Variants in TINAG observed in about 807,000 individuals in gnomAD.
TINAG encodes tubulointerstitial nephritis antigen.
Under a neutral mutation model 72.7 loss-of-function variants are expected in TINAG, and 83 were observed. The ratio of observed to expected loss-of-function variants is 1.14; its 90% confidence interval spans 0.96 to 1.37. The LOEUF (loss-of-function observed/expected upper bound fraction) is 1.37. Among genes scored for constraint, TINAG ranks in the 40% most tolerant of loss-of-function variants. The probability of loss-of-function intolerance (pLI) is 0.00; values close to 1 mark genes in which losing one functional copy is unlikely to be tolerated. For missense variants in TINAG, 685 were observed against 576.6 expected, an observed-to-expected ratio of 1.19 and a Z score of -1.93; for synonymous variants, 234 against 189.9, an observed-to-expected ratio of 1.23 and a Z score of -1.91.
chr6:54,365,635 G>A (rs1763384681), intron 9 of TINAG: 1 of 151,516 alleles, frequency 6.6e-6, no homozygotes, highest in Non-Finnish European at 1.5e-5. Flanking sequence ...TCATTCAATG[G>A]CTCCACCCAA....
In TINAG at chr6:54,308,778, G is replaced by A. The variant is rs369160101; in HGVS notation, c.228G>A (p.Ala76=). The change falls in exon 1 of 11, where the codon GCG becomes GCA. Residue 76 remains alanine, a synonymous_variant. Transcript: ENST00000259782. ...ATGGCTGTGTCACTGAGTTCTATGC[G>A]GCGAATGCGTTGTGCTACTGTGATA... ...RDDGCVTEFY[A]ANALCYCDKF... The A allele has an allele frequency of 6.4e-5, 103 of 1,613,686 alleles. No individual in the cohort carries two copies. Among genetic ancestry groups the A allele is most frequent in the Non-Finnish European group, 8.3e-5 (98 of 1,179,878 alleles).
chr6:54,310,076 C>CGCGTGTGTGTGT (rs1784204140), intron 1 of TINAG, among the ~76,000 whole-genome samples: 1 of 127,650 alleles, frequency 7.8e-6, no homozygotes, highest in Non-Finnish European at 1.6e-5. Flanking sequence ...CTTTTTTTTC[C>CGCGTGTGTGTGT]GTGTGTGTGT....
chr6:54,380,376 C>T (rs1333379261), intron 9 of TINAG, 150 bp from the exon 10 acceptor site: 4 of 547,576 alleles, frequency 7.3e-6, no homozygotes, highest in African/African-American at 3.9e-5. Flanking sequence ...GAGCACATTT[C>T]TGTAGGGCAA....
At chr6:54,361,012 T>G (rs904716733) in intron 9 of TINAG, among the ~76,000 whole-genome samples, 3 of 151,206 alleles carry the variant, frequency 2.0e-5, no homozygotes, top group Non-Finnish European at 4.4e-5. Context: ...ATTATATGTG[T>G]TATGGTGACC....
intron 6 of TINAG, among the ~76,000 whole-genome samples, chr6:54,348,453 T>C (rs1236121541): frequency 2.0e-5 from 3 of 152,056 alleles, no homozygotes; most frequent in Non-Finnish European, 4.4e-5. Context: ...TGGGGTACTG[T>C]AACAAAATTC....
intron 10 of TINAG, among the ~76,000 whole-genome samples, chr6:54,385,561 T>C (rs1484348613): frequency 6.6e-6 from 1 of 151,980 alleles, no homozygotes; most frequent in African/African-American, 2.4e-5. Flanking sequence ...TTTCCAAACA[T>C]TTAAGGAATA....
rs70983415 is a variant in TINAG at position 54,360,841 on chromosome 6, G to GTTTTTT, written c.1250+6231_1250+6236dup. Among the ~76,000 whole-genome samples the GTTTTTT allele has an allele frequency of 5.0e-4, 13 of 26,250 alleles. 2 individuals carry two copies. Among genetic ancestry groups the GTTTTTT allele is most frequent in the African/African-American group, 6.1e-4 (6 of 9,870 alleles). The allele number at this position is 26,250 out of a possible 152,430, so 17.2% of individuals were successfully genotyped here. On this transcript the variant is annotated intron_variant, in intron 9 of 10. Transcript: ENST00000259782. ...GTTTCTTGTGTTTCACAGATACTGT[G>GTTTTTT]TTTTTTTTTTTTTTTTTTTTTTTTT...
chr6:54,322,201 A>G (rs9474801), intron 3 of TINAG, among the ~76,000 whole-genome samples: 107,774 of 151,970 alleles, frequency 0.71, 38,649 homozygotes, highest in East Asian at 0.84. Context: ...CCAGGTACTC[A>G]GGAGGCTGAA....
intron 8 of TINAG, 62 bp from the exon 9 acceptor site, chr6:54,354,451 T>C: frequency 6.8e-7 from 1 of 1,466,838 alleles, no homozygotes; most frequent in Admixed American, 2.5e-5. Flanking sequence ...TGAAATTTTC[T>C]GGTGGTTTTT....
At chr6:54,354,061 C>T (rs1785331270) in intron 8 of TINAG, among the ~76,000 whole-genome samples, 1 of 151,822 alleles carries the variant, frequency 6.6e-6, no homozygotes, top group Non-Finnish European at 1.5e-5. Context: ...TATTCCAACT[C>T]ACAAAAGAAA....
intron 9 of TINAG, among the ~76,000 whole-genome samples, chr6:54,375,222 A>G (rs1197544027): frequency 6.6e-6 from 1 of 152,188 alleles, no homozygotes; most frequent in Non-Finnish European, 1.5e-5. Flanking sequence ...TATTCTCATC[A>G]CAGAAGAATT....
In TINAG at chr6:54,354,619, T is replaced by G. The variant is rs138921065; in HGVS notation, c.1233T>G (p.His411Gln). Residue 411 changes from histidine to glutamine, a missense_variant, in exon 9 of 11, where the codon CAT (histidine) becomes CAG (glutamine). Coordinates refer to ENST00000259782, the MANE Select transcript of TINAG (RefSeq NM_014464.4). Reference protein sequence around the residue: ...ESEKYRKLQTHAVKLTGWGTL... With the variant: ...ESEKYRKLQTQAVKLTGWGTL... ...AAAAATATCGAAAGCTTCAGACACA[T>G]GCAGTCAAACTCACTGGGTAAGGCA... is the stretch of plus-strand genomic sequence containing the variant. 2 of 1,609,580 alleles carry G rather than the reference T, an allele frequency of 1.2e-6. No homozygotes were observed. The highest frequency in any genetic ancestry group is 1.7e-6 in the Non-Finnish European group (2 of 1,177,846).
chr6:54,338,690 C>T (rs1441574686), intron 4 of TINAG, among the ~76,000 whole-genome samples: 1 of 140,146 alleles, frequency 7.1e-6, no homozygotes, highest in Non-Finnish European at 1.5e-5. Flanking sequence ...CGCCACTGCA[C>T]TCCCAGGCGA....
rs1352194127 is a variant in TINAG at position 54,356,218 on chromosome 6, A to T, written c.1250+1582A>T. On this transcript the variant is annotated intron_variant, in intron 9 of 10. Transcript: ENST00000259782. ...AGATACACTCTCTACTAAAATTAAC[A>T]ACTTAAAAAGAAGATAGTAAAAAAT... is the stretch of plus-strand genomic sequence containing the variant. Among the ~76,000 whole-genome samples the T allele has an allele frequency of 2.0e-5, 3 of 151,858 alleles. No individual in the cohort carries two copies. In the South Asian group the frequency reaches 6.2e-4, roughly 31 times the overall value.
intron 4 of TINAG, among the ~76,000 whole-genome samples, chr6:54,329,919 C>A (rs1326357526): frequency 6.6e-6 from 1 of 152,082 alleles, no homozygotes; most frequent in Non-Finnish European, 1.5e-5. Context: ...ACAAGAAGAA[C>A]TAACTATCAT....
intron 3 of TINAG, among the ~76,000 whole-genome samples, chr6:54,321,924 T>G (rs1465539536): frequency 1.3e-5 from 2 of 152,190 alleles, no homozygotes; most frequent in African/African-American, 2.4e-5. Context: ...TAGGGATGAT[T>G]GACACTGAAA....
Position 54,308,504 on chromosome 6 carries a change from G to C in TINAG, c.-47G>C. 4 of 1,507,760 alleles carry C rather than the reference G, an allele frequency of 2.7e-6. No individual in the cohort carries two copies. Among genetic ancestry groups the C allele is most frequent in the Non-Finnish European group, 3.6e-6 (4 of 1,111,690 alleles). The allele number at this position is 1,507,760 out of a possible 1,614,324, so 93.4% of individuals were successfully genotyped here. On this transcript the variant is annotated 5_prime_UTR_variant, in exon 1 of 11. Transcript: ENST00000259782. ...CCAAGGAGAAGCCCACAAGGCTAAG[G>C]GTATTGGATATAACGGAAAGTGGAA...
At chr6:54,378,129 A>G (rs770687221) in intron 9 of TINAG, among the ~76,000 whole-genome samples, 34 of 152,324 alleles carry the variant, frequency 2.2e-4, no homozygotes, top group Middle Eastern at 3.4e-3. Flanking sequence ...CAGAGGCTGT[A>G]ACATAGGTGA....
Position 54,382,751 on chromosome 6 carries a change from T to A in TINAG, c.1296+2180T>A, listed in dbSNP as rs140002066. 7.3e-3 allele frequency among the ~76,000 whole-genome samples: 1,116 copies of A among 152,072 alleles called. 15 individuals carry two copies. The highest frequency in any genetic ancestry group is 0.026 in the African/African-American group (1,060 of 41,482). The stretch of plus-strand genomic sequence containing the variant: ...GTGATGTGATAAGAACCAATAAAAT[T>A]TGTCTACACAGGTAGCAGTGTATGT... On this transcript the variant is annotated intron_variant, in intron 10 of 10. Coordinates refer to ENST00000259782, the MANE Select transcript of TINAG (RefSeq NM_014464.4).
Sources: gnomAD v4.1 joint callset for allele counts (sites outside exome capture counted in the v4.1 genomes callset) on GRCh38, gnomAD v4.1.1 for gene constraint, MANE v1.5 for transcripts, NCBI Gene and HGNC (gene_info 2026-07-23, HGNC 2026-07-21) for gene names.